AP3B1: variants seen among roughly 807,000 people sequenced by gnomAD.
The protein encoded by AP3B1 is AP-3 complex subunit beta-1.
A neutral mutation model predicts 132.5 loss-of-function variants in AP3B1; 61 were observed. The observed-to-expected ratio is 0.46, with a 90% CI of 0.37 to 0.57. The LOEUF is 0.57. Among genes scored for constraint, AP3B1 ranks in the 20% least tolerant of loss-of-function variants. The probability of loss-of-function intolerance (pLI) is 0.00; values close to 1 mark genes in which losing one functional copy is unlikely to be tolerated. For missense variants in AP3B1, 1,120 were observed against 1,289.4 expected (o/e 0.87, Z 2.01); for synonymous variants, 388 against 438.3 (o/e 0.89, Z 1.43).
At chr5:78,177,457 A>G in intron 8 of AP3B1, 21 bp from the exon 9 acceptor site, 1 of 1,567,510 alleles carries the variant, frequency 6.4e-7, no homozygotes, top group Non-Finnish European at 8.8e-7. Flanking sequence ...AAGCATAAAA[A>G]TAACAGAACT....
chr5:78,245,461 A>G (rs1382398944), intron 2 of AP3B1, among the ~76,000 whole-genome samples: 1 of 152,192 alleles, frequency 6.6e-6, no homozygotes, highest in African/African-American at 2.4e-5. Flanking sequence ...GCATGGGAAC[A>G]TGATGGCAAT....
Position 78,184,907 on chromosome 5 carries a change from A to G in AP3B1, c.787-3245T>C, listed in dbSNP as rs565660901. On this transcript the variant is annotated intron_variant, in intron 7 of 26. Coordinates refer to ENST00000255194, the MANE Select transcript of AP3B1 (RefSeq NM_003664.5). ...ACAGGATTAAACCCAAAGAAATCCA[A>G]AACAGCACACATTATAGTAAAACCT... Among the ~76,000 whole-genome samples, 11 of 152,330 alleles carry G rather than the reference A, an allele frequency of 7.2e-5. No homozygotes were observed. In the South Asian group the frequency reaches 2.1e-3, roughly 29 times the overall value.
intron 2 of AP3B1, among the ~76,000 whole-genome samples, chr5:78,259,884 C>T (rs1748009923): frequency 6.6e-6 from 1 of 151,886 alleles, no homozygotes; most frequent in Admixed American, 6.6e-5. Context: ...GCAGGAGGAT[C>T]ACTTGGACCC....
intron 13 of AP3B1, among the ~76,000 whole-genome samples, chr5:78,157,881 C>T (rs1743218372): frequency 1.3e-5 from 2 of 152,018 alleles, no homozygotes; most frequent in African/African-American, 4.8e-5. Flanking sequence ...TCCTGAGTAG[C>T]TGGGATTTAC....
chr5:78,276,742 A>C (rs1287328824), intron 1 of AP3B1, among the ~76,000 whole-genome samples: 2 of 151,900 alleles, frequency 1.3e-5, no homozygotes, highest in African/African-American at 2.4e-5. Context: ...GGTGGCATGC[A>C]CCTTTAGTCC....
Position 78,035,841 on chromosome 5 carries a change from A to G in AP3B1, c.2810-1396T>C, listed in dbSNP as rs78447600. Among the ~76,000 whole-genome samples, 800 of 152,228 alleles carry G rather than the reference A, an allele frequency of 5.3e-3. 4 individuals carry two copies. Among genetic ancestry groups the G allele is most frequent in the African/African-American group, 0.018 (766 of 41,576 alleles). On this transcript the variant is annotated intron_variant, in intron 23 of 26. Coordinates refer to ENST00000255194, the MANE Select transcript of AP3B1 (RefSeq NM_003664.5). ...AACAGGCTTTACTGTAGGGTAAATA[A>G]CTATAATGATACATATGTTTTTTTC...
At chr5:78,063,250 A>G (rs747659104) in intron 22 of AP3B1, among the ~76,000 whole-genome samples, 6 of 152,182 alleles carry the variant, frequency 3.9e-5, no homozygotes, top group South Asian at 2.1e-4. Flanking sequence ...AAGTAAATCT[A>G]TATTATACCT....
intron 7 of AP3B1, among the ~76,000 whole-genome samples, chr5:78,195,720 T>C (rs1241405997): frequency 6.6e-6 from 1 of 152,072 alleles, no homozygotes; most frequent in Non-Finnish European, 1.5e-5. Flanking sequence ...CTCAGGAGGC[T>C]GAGGCAGGAG....
intron 20 of AP3B1, chr5:78,101,279 G>T (rs1463717917): frequency 1.3e-5 from 6 of 477,520 alleles, no homozygotes; most frequent in African/African-American, 1.2e-4. Context: ...AAATTTAAAG[G>T]TATGTAATTA....
intron 22 of AP3B1, among the ~76,000 whole-genome samples, chr5:78,074,946 T>C (rs541648823): frequency 6.6e-6 from 1 of 152,060 alleles, no homozygotes; most frequent in Non-Finnish European, 1.5e-5. Flanking sequence ...AAAAAAAAGA[T>C]GATTCTTCTA....
chr5:78,244,129 A>G (rs750672907), intron 2 of AP3B1, among the ~76,000 whole-genome samples: 4 of 152,144 alleles, frequency 2.6e-5, no homozygotes, highest in African/African-American at 4.8e-5. Context: ...AAGAAGAACT[A>G]CTGCCTGTAA....
At chr5:78,003,530 C>T (rs1005799343) in intron 26 of AP3B1, 4 of 542,944 alleles carry the variant, frequency 7.4e-6, no homozygotes, top group Admixed American at 6.4e-5. Context: ...GATAATTTTA[C>T]GTACATTATA....
chr5:78,258,229 T>C (rs1300871210), intron 2 of AP3B1, among the ~76,000 whole-genome samples: 3 of 152,094 alleles, frequency 2.0e-5, no homozygotes, highest in East Asian at 1.9e-4. Context: ...AGACAACTCA[T>C]AGAATGGGAG....
At chr5:78,072,326 A>G (rs1007345815) in intron 22 of AP3B1, among the ~76,000 whole-genome samples, 1 of 152,250 alleles carries the variant, frequency 6.6e-6, no homozygotes, top group East Asian at 1.9e-4. Context: ...TAAAAATGAT[A>G]TAAAACAAAA....
At chr5:78,078,685 C>T (rs1453930274) in intron 22 of AP3B1, among the ~76,000 whole-genome samples, 2 of 152,178 alleles carry the variant, frequency 1.3e-5, no homozygotes, top group Non-Finnish European at 2.9e-5. Flanking sequence ...ATTACTTGCT[C>T]CCTTGTCTGT....
chr5:78,090,381 G>A lies in AP3B1; in HGVS notation c.2471-882C>T, dbSNP rs999384228. ...CAGGTCCAGCTTATCTCCAATTTCAGCATTGTTATGCACTAGCTCTATGGG... is the reference window on the plus strand; with the variant it reads ...CAGGTCCAGCTTATCTCCAATTTCAACATTGTTATGCACTAGCTCTATGGG... On this transcript the variant is annotated intron_variant, in intron 21 of 26. Transcript: ENST00000255194. Among the ~76,000 whole-genome samples the A allele has an allele frequency of 3.3e-5, 5 of 152,200 alleles. No individual in the cohort carries two copies. In the East Asian group the frequency reaches 9.6e-4, roughly 29 times the overall value.
intron 1 of AP3B1, among the ~76,000 whole-genome samples, chr5:78,277,835 A>G (rs1354792421): frequency 1.3e-5 from 2 of 152,234 alleles, no homozygotes; most frequent in Non-Finnish European, 2.9e-5. Context: ...GATCCCAATA[A>G]AAGTTAAAAA....
chr5:78,138,790 G>A (rs535700101), intron 15 of AP3B1, among the ~76,000 whole-genome samples: 30 of 151,866 alleles, frequency 2.0e-4, no homozygotes, highest in Admixed American at 1.4e-3. Context: ...TGGCCAACAC[G>A]GTGAAACCTG....
intron 7 of AP3B1, among the ~76,000 whole-genome samples, chr5:78,200,246 C>A (rs1469727804): frequency 6.6e-6 from 1 of 151,646 alleles, no homozygotes; most frequent in Middle Eastern, 3.4e-3. Flanking sequence ...GGAGGGGGGA[C>A]AAGGGGAATG....
Sources: allele counts gnomAD v4.1 joint callset (sites outside exome capture counted in the v4.1 genomes callset), GRCh38; gene constraint gnomAD v4.1.1; transcripts MANE v1.5; gene names NCBI Gene and HGNC (gene_info 2026-07-23, HGNC 2026-07-21).